COL11A1: variants seen among roughly 807,000 people sequenced by gnomAD.
COL11A1 encodes the protein collagen type XI alpha 1 chain, also known as collagen alpha-1(XI) chain.
In COL11A1, 74 loss-of-function variants were observed where a neutral mutation model predicts 265.2. The observed-to-expected ratio is 0.28, with a 90% CI of 0.23 to 0.34. The LOEUF (loss-of-function observed/expected upper bound fraction) is 0.34, where lower values mean the gene tolerates loss of function less well. Among genes scored for constraint, COL11A1 ranks in the 10% least tolerant of loss-of-function variants. The pLI is 1.00. For missense variants in COL11A1, 2,165 were observed against 2,263.6 expected (o/e 0.96, Z 0.88); for synonymous variants, 816 against 727.6 (o/e 1.12, Z -1.96).
intron 4 of COL11A1, among the ~76,000 whole-genome samples, chr1:103,041,742 C>A (rs1051695919): frequency 5.9e-5 from 9 of 151,816 alleles, no homozygotes; most frequent in Non-Finnish European, 2.9e-5. Context: ...AATGTGAAAA[C>A]CTGTTTCCTC....
intron 54 of COL11A1, among the ~76,000 whole-genome samples, chr1:102,904,944 T>A: frequency 6.6e-6 from 1 of 152,020 alleles, no homozygotes; most frequent in African/African-American, 2.4e-5. Flanking sequence ...AGCGGCACTA[T>A]TCACAATAGC....
intron 30 of COL11A1, among the ~76,000 whole-genome samples, chr1:102,984,779 T>C (rs1049729363): frequency 6.6e-6 from 1 of 152,018 alleles, no homozygotes; most frequent in Non-Finnish European, 1.5e-5. Context: ...CTAATAAATA[T>C]AATATGTGTT....
intron 5 of COL11A1, among the ~76,000 whole-genome samples, chr1:103,029,643 C>T (rs1033511725): frequency 3.3e-5 from 5 of 152,026 alleles, no homozygotes; most frequent in African/African-American, 7.2e-5. Context: ...ACAAGATTGT[C>T]ATGCAGTTTC....
intron 28 of COL11A1, among the ~76,000 whole-genome samples, chr1:102,991,983 C>T (rs1557914404): frequency 6.6e-6 from 1 of 152,024 alleles, no homozygotes; most frequent in Non-Finnish European, 1.5e-5. Context: ...TCATTACCTC[C>T]TCCCTAGAGA....
chr1:102,912,347 C>T (rs535764093), intron 53 of COL11A1, 135 bp from the exon 54 acceptor site: 4 of 683,544 alleles, frequency 5.9e-6, no homozygotes, highest in South Asian at 2.1e-5. Context: ...AATCTCAGCC[C>T]TATTTCAGAT....
intron 4 of COL11A1, among the ~76,000 whole-genome samples, chr1:103,058,524 T>C (rs145909630): frequency 1.3e-5 from 2 of 152,334 alleles, no homozygotes; most frequent in African/African-American, 4.8e-5. Context: ...GCTTTCAACA[T>C]TCCTTCCTCA....
At chr1:103,078,199 C>G (rs1196023269) in intron 3 of COL11A1, among the ~76,000 whole-genome samples, 1 of 152,114 alleles carries the variant, frequency 6.6e-6, no homozygotes, top group African/African-American at 2.4e-5. Context: ...CCACTCTTCT[C>G]CTGCCATGCT....
rs577992733 is a variant in COL11A1, at chr1:103,026,022, A to C, written c.897+194T>G. On this transcript the variant is annotated intron_variant, in intron 6 of 66. Transcript: ENST00000370096. ...AGGAGGGAAATATAGAGCACAGATG[A>C]AAGGAAGGCTAAGCAAAAGTGAAAT... is the stretch of plus-strand genomic sequence containing the variant. The C allele has an allele frequency of 2.7e-6, 4 of 1,504,538 alleles. No individual in the cohort carries two copies. In the Admixed American group the frequency reaches 6.7e-5, roughly 25 times the overall value. The allele number at this position is 1,504,538 out of a possible 1,614,324, so 93.2% of individuals were successfully genotyped here. A position where few individuals can be genotyped will look rare whatever the true frequency, so the allele number is the denominator to read the frequency against.
chr1:102,889,635 T>A (rs1651493279), intron 58 of COL11A1, 73 bp from the exon 59 acceptor site: 6 of 1,079,298 alleles, frequency 5.6e-6, no homozygotes, highest in Non-Finnish European at 8.4e-6. Context: ...ATAAAATATT[T>A]GCACATTAAA....
chr1:102,925,367 C>T (rs1656481257), intron 46 of COL11A1, among the ~76,000 whole-genome samples: 1 of 151,820 alleles, frequency 6.6e-6, no homozygotes, highest in Non-Finnish European at 1.5e-5. Context: ...TTTTTATAAC[C>T]TACTATATCC....
intron 1 of COL11A1, among the ~76,000 whole-genome samples, chr1:103,106,942 A>G (rs576307380): frequency 3.4e-4 from 51 of 151,886 alleles, no homozygotes; most frequent in Admixed American, 2.8e-3. Context: ...CCTTGACCCA[A>G]CCTCGTCAGT....
At chr1:103,000,354 GA>G (rs1365108578) in intron 24 of COL11A1, among the ~76,000 whole-genome samples, 1 of 151,520 alleles carries the variant, frequency 6.6e-6, no homozygotes, top group Non-Finnish European at 1.5e-5. Flanking sequence ...AACATCCACA[GA>G]AAAAAGTACT....
intron 41 of COL11A1, among the ~76,000 whole-genome samples, chr1:102,950,755 A>G: frequency 6.6e-6 from 1 of 152,090 alleles, no homozygotes; most frequent in East Asian, 1.9e-4. Flanking sequence ...ACCATCTGAT[A>G]TGCTTAGGCT....
At chr1:102,964,334 T>G (rs978849702) in intron 38 of COL11A1, among the ~76,000 whole-genome samples, 7 of 152,192 alleles carry the variant, frequency 4.6e-5, no homozygotes, top group Admixed American at 3.9e-4. Context: ...AAAATGAAAG[T>G]ATTTTTGGAG....
intron 5 of COL11A1, among the ~76,000 whole-genome samples, chr1:103,027,921 C>T (rs948253247): frequency 6.6e-6 from 1 of 152,110 alleles, no homozygotes; most frequent in Non-Finnish European, 1.5e-5. Flanking sequence ...TTTAAACTCT[C>T]CAAATGTTGA....
At chr1:102,993,579 C>T (rs1195376909) in intron 28 of COL11A1, among the ~76,000 whole-genome samples, 1 of 151,868 alleles carries the variant, frequency 6.6e-6, no homozygotes, top group Non-Finnish European at 1.5e-5. Context: ...AGTCTGTCAC[C>T]CTGGCTGGAG....
intron 3 of COL11A1, among the ~76,000 whole-genome samples, chr1:103,077,545 AGTAAAACTGAGAC>A (rs1672072613): frequency 6.6e-6 from 1 of 152,104 alleles, no homozygotes; most frequent in African/African-American, 2.4e-5. Context: ...GTAAAGTCTC[AGTAAAACTGAGAC>A]TTGAGAGTTT....
At position 102,965,490 on chromosome 1, in the gene COL11A1, T is replaced by G; in HGVS notation, c.2913A>C (p.Pro971=). Residue 971 remains proline (P), a synonymous_variant, in exon 38 of 67, where the codon CCA becomes CCC. Transcript: ENST00000370096. The part of the protein sequence containing the change: ...GPPGPGGVVG[P]QGPTGETGPI... ...GAAATAAAGCAAAGGAACATACCTG[T>G]GGTCCAACCACTCCCCCTGGCCCAG... The G allele has an allele frequency of 6.2e-7, 1 of 1,613,524 alleles. No homozygotes were observed.
intron 38 of COL11A1, among the ~76,000 whole-genome samples, chr1:102,963,728 C>T (rs895053817): frequency 3.3e-5 from 5 of 152,086 alleles, no homozygotes; most frequent in Non-Finnish European, 5.9e-5. Context: ...TTTAATTATA[C>T]AATTGCTGTA....
Sources: allele counts gnomAD v4.1 joint callset (sites outside exome capture counted in the v4.1 genomes callset), GRCh38; gene constraint gnomAD v4.1.1; transcripts MANE v1.5; gene names NCBI Gene and HGNC (gene_info 2026-07-23, HGNC 2026-07-21).